The following PLA2G2C variants were observed in gnomAD, a reference collection of about 807,000 sequenced individuals.
PLA2G2C encodes the protein putative inactive group IIC secretory phospholipase A2.
PLA2G2C carries 15 observed loss-of-function variants against 14.3 expected under a neutral mutation model. The ratio of observed to expected loss-of-function variants is 1.05; its 90% confidence interval spans 0.70 to 1.62. The LOEUF (loss-of-function observed/expected upper bound fraction) is 1.62, where lower values mean the gene tolerates loss of function less well. PLA2G2C is among the 40% of genes most tolerant of loss of function. The pLI, the probability that PLA2G2C is intolerant of heterozygous loss-of-function variation, is 0.00. For synonymous variants in PLA2G2C, 79 were observed against 67.7 expected (o/e 1.17, Z -0.82); for missense variants, 162 against 173.2 (o/e 0.94, Z 0.36).
intron 4 of PLA2G2C, among the ~76,000 whole-genome samples, chr1:20,171,825 A>G (rs1030342083): frequency 3.5e-5 from 5 of 141,388 alleles, no homozygotes; most frequent in Non-Finnish European, 6.0e-5. Context: ...GCAGTGGCGC[A>G]ATCTCGGCTC....
At chr1:20,181,685 G>A (rs2100725828) in intron 1 of PLA2G2C, among the ~76,000 whole-genome samples, 1 of 152,274 alleles carries the variant, frequency 6.6e-6, no homozygotes, top group South Asian at 2.1e-4. Flanking sequence ...AGCCGGACAG[G>A]AATGGAGTCA....
chr1:20,170,418 C>T (rs933913039), intron 4 of PLA2G2C, among the ~76,000 whole-genome samples: 1 of 152,212 alleles, frequency 6.6e-6, no homozygotes, highest in Non-Finnish European at 1.5e-5. Context: ...GGAGTTTCCA[C>T]AAGACTGTGA....
In PLA2G2C at chr1:20,175,145, G is replaced by A. The variant is rs780540555; in HGVS notation, c.41C>T (p.Ser14Phe). The A allele has an allele frequency of 6.2e-7, 1 of 1,613,882 alleles. No individual in the cohort carries two copies. Among genetic ancestry groups the A allele is most frequent in the Non-Finnish European group, 8.5e-7 (1 of 1,179,872 alleles). The change falls in exon 3 of 5, where the codon TCC becomes TTC. Residue 14 changes from serine (S) to phenylalanine (F), a missense_variant and splice_region_variant. Coordinates refer to ENST00000679259, the MANE Select transcript of PLA2G2C (RefSeq NM_001367969.2). Reference protein sequence around the residue: ...IAILTLLLFCSPTHSSFWQFQ... With the variant: ...IAILTLLLFCFPTHSSFWQFQ... ...CTGCCAGAAACTGCTGTGGGTGGGGGCTGCCACCACCGATGAGAAAAAAAG... is the reference window on the plus strand; with the variant it reads ...CTGCCAGAAACTGCTGTGGGTGGGGACTGCCACCACCGATGAGAAAAAAAG...
At position 20,173,683 on chromosome 1, in the gene PLA2G2C, A is replaced by C. The variant is rs1208619520; in HGVS notation, c.180-786T>G. ...TGGATGGGAGAGCACTGGAGGAGAAATACCATCTGGAGCATGGGCTCAGTC... is the reference window on the plus strand; with the variant it reads ...TGGATGGGAGAGCACTGGAGGAGAACTACCATCTGGAGCATGGGCTCAGTC... On this transcript the variant is annotated intron_variant, in intron 3 of 4. Transcript: ENST00000679259. Among the ~76,000 whole-genome samples, 7 of 152,234 alleles carry C rather than the reference A, an allele frequency of 4.6e-5. No homozygotes were observed. The East Asian group carries it at 1.3e-3, about 29-fold the overall frequency.
At chr1:20,178,659 C>G (rs906070341) in intron 1 of PLA2G2C, among the ~76,000 whole-genome samples, 4 of 152,066 alleles carry the variant, frequency 2.6e-5, no homozygotes, top group Admixed American at 1.3e-4. Context: ...GTTTAGCCCA[C>G]GAAAAAGGGG....
chr1:20,179,508 T>TTTTGTGTCAG (rs2018243170), intron 1 of PLA2G2C, among the ~76,000 whole-genome samples: 1 of 151,264 alleles, frequency 6.6e-6, no homozygotes, highest in African/African-American at 2.4e-5. Flanking sequence ...AGCTTCTCCC[T>TTTTGTGTCAG]CTATGTCAGT....
intron 3 of PLA2G2C, 89 bp downstream of exon 3, chr1:20,174,918 G>C: frequency 7.7e-7 from 1 of 1,303,044 alleles, no homozygotes; most frequent in Non-Finnish European, 1.0e-6. Context: ...TTATTTGCCA[G>C]GCAAGAATCC....
At chr1:20,174,142 C>T (rs2018137900) in intron 3 of PLA2G2C, among the ~76,000 whole-genome samples, 1 of 152,306 alleles carries the variant, frequency 6.6e-6, no homozygotes, top group Admixed American at 6.5e-5. Flanking sequence ...GTCAGTTGCC[C>T]TTCCAAGGCT....
intron 1 of PLA2G2C, among the ~76,000 whole-genome samples, chr1:20,179,737 T>A (rs1230450348): frequency 4.9e-5 from 2 of 40,476 alleles, no homozygotes; most frequent in Admixed American, 2.5e-4. Flanking sequence ...TCTATGTCAG[T>A]GTGTGTGTGT....
In PLA2G2C at chr1:20,163,834, T is replaced by C. The variant is rs745610088; in HGVS notation, c.*157A>G. ...TGATGCTGAACGACAGGGAGTCCCCTTGGTCAGAATGCTGAAGGGTGAGCT... is the reference window on the plus strand; with the variant it reads ...TGATGCTGAACGACAGGGAGTCCCCCTGGTCAGAATGCTGAAGGGTGAGCT... On this transcript the variant is annotated 3_prime_UTR_variant, in exon 5 of 5. Coordinates refer to ENST00000679259, the MANE Select transcript of PLA2G2C (RefSeq NM_001367969.2). 8 of 801,958 alleles carry C rather than the reference T, an allele frequency of 1.0e-5. No homozygotes were observed. The highest frequency in any genetic ancestry group is 1.3e-5 in the Non-Finnish European group (7 of 526,574). The allele number at this position is 801,958 out of a possible 1,614,324, so 49.7% of individuals were successfully genotyped here.
rs139823444 is a variant in PLA2G2C at position 20,166,076 on chromosome 1, C to T, written c.284-1919G>A. Among the ~76,000 whole-genome samples the T allele has an allele frequency of 9.8e-5, 15 of 152,322 alleles. No individual in the cohort carries two copies. In the East Asian group the frequency reaches 1.5e-3, roughly 16 times the overall value. ...CACTGGTGTCTACCGACAAGTGGTC[C>T]GGATGTGCCTGGCACGCAGAAGGTG... is the stretch of plus-strand genomic sequence containing the variant. On this transcript the variant is annotated intron_variant, in intron 4 of 4. Coordinates refer to ENST00000679259, the MANE Select transcript of PLA2G2C (RefSeq NM_001367969.2).
chr1:20,176,832 A>T (rs1265246105), intron 2 of PLA2G2C, among the ~76,000 whole-genome samples: 2 of 152,334 alleles, frequency 1.3e-5, no homozygotes, highest in East Asian at 3.9e-4. Flanking sequence ...ACTGTTTCCC[A>T]GTAGGTCTTT....
Position 20,175,075 on chromosome 1 carries a change from G to A in PLA2G2C, c.111C>T (p.Phe37=). 1 of 1,613,994 alleles carries A rather than the reference G, an allele frequency of 6.2e-7. No individual in the cohort carries two copies. Among genetic ancestry groups the A allele is most frequent in the Non-Finnish European group, 8.5e-7 (1 of 1,179,888 alleles). The part of the protein sequence containing the change: ...VKHITGRSAF[F]SYYGYGCYCG... ...AGTAGCAGCCATATCCGTAATATGA[G>A]AAGAAGGCACTTCGCCCCGTGATGT... Residue 37 remains phenylalanine (F), a synonymous_variant, in exon 3 of 5, where the codon TTC becomes TTT. Transcript: ENST00000679259.
intron 2 of PLA2G2C, 83 bp downstream of exon 2, chr1:20,177,241 G>C (rs563822624): frequency 1.4e-6 from 1 of 699,312 alleles, no homozygotes; most frequent in Admixed American, 2.0e-5. Context: ...CCCTCACCTG[G>C]TGCCACCTGG....
intron 1 of PLA2G2C, among the ~76,000 whole-genome samples, chr1:20,178,243 T>TCAG (rs1334471995): frequency 6.6e-6 from 1 of 152,210 alleles, no homozygotes; most frequent in East Asian, 1.9e-4. Flanking sequence ...CTGCCAGGGA[T>TCAG]CAGCCAATGG....
At chr1:20,170,022 G>A (rs939458530) in intron 4 of PLA2G2C, among the ~76,000 whole-genome samples, 8 of 152,222 alleles carry the variant, frequency 5.3e-5, no homozygotes, top group African/African-American at 1.9e-4. Context: ...GGCACCCGGG[G>A]TTTGAATTCC....
At chr1:20,174,910 A>T in intron 3 of PLA2G2C, 97 bp downstream of exon 3, 1 of 1,249,598 alleles carries the variant, frequency 8.0e-7, no homozygotes, top group Non-Finnish European at 1.1e-6. Context: ...GTTTTCTGTT[A>T]TTTGCCAGGC....
At chr1:20,172,242 C>T (rs1192545381) in intron 4 of PLA2G2C, among the ~76,000 whole-genome samples, 3 of 152,138 alleles carry the variant, frequency 2.0e-5, no homozygotes, top group Non-Finnish European at 2.9e-5. Flanking sequence ...CCGCAGAACA[C>T]GCTCCGGATG....
At position 20,172,009 on chromosome 1, in the gene PLA2G2C, C is replaced by T. The variant is rs183893569; in HGVS notation, c.283+785G>A. 7.3e-3 allele frequency among the ~76,000 whole-genome samples: 1,112 copies of T among 151,818 alleles called. 13 individuals are homozygous for T. The highest frequency in any genetic ancestry group is 0.025 in the African/African-American group (1,017 of 41,376). ...CGATCTCCTGACCTCGTGATCCGCC[C>T]GCCTCGGCCTCCCAAAGTGCTGGGA... On this transcript the variant is annotated intron_variant, in intron 4 of 4. Coordinates refer to ENST00000679259, the MANE Select transcript of PLA2G2C (RefSeq NM_001367969.2).
Sources: gnomAD v4.1 joint callset for allele counts (sites outside exome capture counted in the v4.1 genomes callset) on GRCh38, gnomAD v4.1.1 for gene constraint, MANE v1.5 for transcripts, NCBI Gene and HGNC (gene_info 2026-07-23, HGNC 2026-07-21) for gene names.